Variants in TNS3 observed in about 807,000 individuals in gnomAD.
TNS3 encodes tensin-3.
In TNS3, 45 loss-of-function variants were observed where a neutral mutation model predicts 140.9. That is an observed-to-expected ratio of 0.32 (90% confidence interval 0.25 to 0.41). TNS3 has a LOEUF of 0.41. Ranked by LOEUF, TNS3 falls within the 10% of genes least tolerant of loss-of-function variation. TNS3 has a pLI of 1.00. For synonymous variants in TNS3, 815 were observed against 788.4 expected (o/e 1.03, Z -0.56); for missense variants, 1,716 against 1,906.7 (o/e 0.90, Z 1.86).
chr7:47,351,332 G>A (rs1488467917), intron 17 of TNS3, among the ~76,000 whole-genome samples: 1 of 152,200 alleles, frequency 6.6e-6, no homozygotes, highest in East Asian at 1.9e-4. Flanking sequence ...ATGCTCAGAG[G>A]AGATGTGGAA....
At chr7:47,401,234 T>G (rs1022327950) in intron 13 of TNS3, among the ~76,000 whole-genome samples, 15 of 152,214 alleles carry the variant, frequency 9.9e-5, no homozygotes, top group African/African-American at 3.6e-4. Flanking sequence ...CTAAACCCTT[T>G]CAGACCACGT....
rs771156730 is a variant in TNS3 at position 47,415,171 on chromosome 7, G to A, written c.509C>T (p.Ser170Leu). The stretch of plus-strand genomic sequence containing the variant: ...CAGGGGAGAGGCATTCATTTTCACC[G>A]ATCCGGACAGGAGCCCACTGAGGAA... ...VQFLSGLLSG[S>L]VKMNASPLFL... The change falls in exon 11 of 31, where the codon TCG becomes TTG. Residue 170 changes from serine to leucine, a missense_variant. Transcript: ENST00000311160. The A allele has an allele frequency of 1.4e-5, 23 of 1,610,378 alleles. No individual in the cohort carries two copies. The Middle Eastern group carries it at 6.6e-4, about 46-fold the overall frequency.
At chr7:47,382,314 T>A (rs1383301360) in intron 16 of TNS3, among the ~76,000 whole-genome samples, 2 of 152,228 alleles carry the variant, frequency 1.3e-5, no homozygotes, top group Non-Finnish European at 2.9e-5. Flanking sequence ...GTAAACGGGC[T>A]GCCATAAGCC....
intron 17 of TNS3, among the ~76,000 whole-genome samples, chr7:47,359,042 G>T (rs1425684136): frequency 1.3e-5 from 2 of 152,250 alleles, no homozygotes; most frequent in Non-Finnish European, 2.9e-5. Flanking sequence ...CCTCTCCTGG[G>T]TAACGCCCCA....
At chr7:47,352,650 C>T (rs1789756630) in intron 17 of TNS3, among the ~76,000 whole-genome samples, 2 of 152,304 alleles carry the variant, frequency 1.3e-5, no homozygotes, top group African/African-American at 2.4e-5. Flanking sequence ...CAGGACGAGG[C>T]CACCCATCAG....
intron 4 of TNS3, among the ~76,000 whole-genome samples, chr7:47,464,005 T>A (rs1037165207): frequency 6.6e-6 from 1 of 152,194 alleles, no homozygotes; most frequent in African/African-American, 2.4e-5. Flanking sequence ...AGGGCCGTAA[T>A]CACAGCCTAG....
Position 47,343,180 on chromosome 7 carries a change from G to A in TNS3, c.2650+1575C>T, listed in dbSNP as rs111983069. Among the ~76,000 whole-genome samples, 52 of 152,280 alleles carry A rather than the reference G, an allele frequency of 3.4e-4. 1 individual carries two copies. Among genetic ancestry groups the A allele is most frequent in the African/African-American group, 1.2e-3 (49 of 41,564 alleles). On this transcript the variant is annotated intron_variant, in intron 20 of 30. Transcript: ENST00000311160. The stretch of plus-strand genomic sequence containing the variant: ...CATCCTCATCCACACATAGTGCAGC[G>A]CTCATCCACGCACAGGACATGGAGC...
rs1584663184 is a variant in TNS3 at position 47,439,498 on chromosome 7, C to T, written c.139G>A (p.Asp47Asn). ...CGCCCACCGCTCACCAGGTAGTTGT[C>T]CCCGTGCTTGGACTTGAGCATGCGC... The part of the protein sequence containing the change: ...VTRMLKSKHG[D>N]NYLVLNLSEK... Residue 47 changes from aspartate to asparagine, a missense_variant, in exon 6 of 31, where the codon GAC becomes AAC. Physicochemically the swap from Asp to Asn is conservative, Grantham distance 23. Transcript: ENST00000311160. 6.2e-7 allele frequency: 1 copy of T among 1,613,646 alleles called. No homozygotes were observed. Among genetic ancestry groups the T allele is most frequent in the African/African-American group, 1.3e-5 (1 of 74,920 alleles).
At chr7:47,541,134 G>A (rs1252133042) in intron 1 of TNS3, among the ~76,000 whole-genome samples, 1 of 152,138 alleles carries the variant, frequency 6.6e-6, no homozygotes, top group Non-Finnish European at 1.5e-5. Context: ...GAGAGGTGAC[G>A]GGAGATTGGT....
intron 18 of TNS3, 65 bp downstream of exon 18, chr7:47,346,122 G>T (rs540368741): frequency 6.3e-7 from 1 of 1,580,894 alleles, no homozygotes; most frequent in East Asian, 2.2e-5. Context: ...CCATTCACTC[G>T]GGGTTCCAGG....
At chr7:47,440,955 C>T (rs1049948586) in intron 5 of TNS3, among the ~76,000 whole-genome samples, 2 of 152,168 alleles carry the variant, frequency 1.3e-5, no homozygotes, top group Non-Finnish European at 1.5e-5. Context: ...AAATTACCAA[C>T]ACACAGCTAA....
intron 13 of TNS3, among the ~76,000 whole-genome samples, chr7:47,410,168 CG>C (rs1346418434): frequency 6.6e-6 from 1 of 152,154 alleles, no homozygotes; most frequent in Non-Finnish European, 1.5e-5. Context: ...AACACCAGAG[CG>C]GATGTTTCTC....
At chr7:47,374,884 A>G (rs1424240618) in intron 16 of TNS3, among the ~76,000 whole-genome samples, 1 of 152,160 alleles carries the variant, frequency 6.6e-6, no homozygotes, top group African/African-American at 2.4e-5. Context: ...AGGAGCAGGC[A>G]GGGTGAGGAG....
At chr7:47,329,238 C>G (rs1788198431) in intron 20 of TNS3, among the ~76,000 whole-genome samples, 1 of 152,202 alleles carries the variant, frequency 6.6e-6, no homozygotes, top group African/African-American at 2.4e-5. Context: ...CTCCTGGCTT[C>G]TCTTGTCTCT....
At chr7:47,517,035 C>A (rs1798801659) in intron 2 of TNS3, among the ~76,000 whole-genome samples, 1 of 152,222 alleles carries the variant, frequency 6.6e-6, no homozygotes, top group African/African-American at 2.4e-5. Flanking sequence ...TGCACTCCAG[C>A]CTGGGCAACA....
At chr7:47,571,966 G>A (rs1205483743) in intron 1 of TNS3, among the ~76,000 whole-genome samples, 4 of 152,182 alleles carry the variant, frequency 2.6e-5, no homozygotes, top group Admixed American at 6.5e-5. Flanking sequence ...TCCTCTCACC[G>A]CCAGGGCCCA....
intron 1 of TNS3, among the ~76,000 whole-genome samples, chr7:47,572,167 A>G (rs534148802): frequency 1.3e-5 from 2 of 152,360 alleles, no homozygotes; most frequent in East Asian, 1.9e-4. Flanking sequence ...ACTGACAAAC[A>G]TCTTTTACTC....
At chr7:47,576,753 G>A (rs1472989146) in intron 1 of TNS3, among the ~76,000 whole-genome samples, 1 of 152,224 alleles carries the variant, frequency 6.6e-6, no homozygotes, top group Admixed American at 6.5e-5. Context: ...CTTTTATTGT[G>A]TGGCTCCAAG....
At chr7:47,547,217 T>C (rs2151975638) in intron 1 of TNS3, among the ~76,000 whole-genome samples, 1 of 152,134 alleles carries the variant, frequency 6.6e-6, no homozygotes, top group African/African-American at 2.4e-5. Context: ...CCAAAACAGG[T>C]AAGCAGAGGC....
Sources: allele counts gnomAD v4.1 joint callset (sites outside exome capture counted in the v4.1 genomes callset), GRCh38; gene constraint gnomAD v4.1.1; transcripts MANE v1.5; gene names NCBI Gene and HGNC (gene_info 2026-07-23, HGNC 2026-07-21).